The following RASGEF1A variants were observed in gnomAD, a reference collection of about 807,000 sequenced individuals.
RASGEF1A encodes RasGEF domain family member 1A.
Under a neutral mutation model 56.4 loss-of-function variants are expected in RASGEF1A, and 18 were observed. The observed-to-expected ratio is 0.32, with a 90% confidence interval of 0.22 to 0.47. The LOEUF is 0.47. Among genes scored for constraint, RASGEF1A ranks in the 20% least tolerant of loss-of-function variants. The pLI, the probability that RASGEF1A is intolerant of heterozygous loss-of-function variation, is 1.00. For missense variants in RASGEF1A, 422 were observed against 627.1 expected (o/e 0.67, Z 3.49); for synonymous variants, 245 against 242.6 (o/e 1.01, Z -0.09).
rs151019291 is a variant in RASGEF1A, at chr10:43,206,102, G to T, written c.15C>A (p.Ser5=). The T allele has an allele frequency of 6.3e-7, 1 of 1,586,458 alleles. No homozygotes were observed. Among genetic ancestry groups the T allele is most frequent in the African/African-American group, 1.3e-5 (1 of 74,714 alleles). ...GCCCAAGGATGCTGGAGAAGACAACGGACGTCTGGGGCATAGTTTCCTGGG... is the reference window on the plus strand; with the variant it reads ...GCCCAAGGATGCTGGAGAAGACAACTGACGTCTGGGGCATAGTTTCCTGGG... MPQT[S]VVFSSILGPS... The change falls in exon 2 of 13, where the codon TCC becomes TCA. Residue 5 remains serine (S), a synonymous_variant. Transcript: ENST00000395810.
chr10:43,253,834 T>G (rs1453629209), intron 1 of RASGEF1A, among the ~76,000 whole-genome samples: 1 of 152,348 alleles, frequency 6.6e-6, no homozygotes, highest in East Asian at 1.9e-4. Flanking sequence ...ATAAGAAGCA[T>G]GTGGTGCGGA....
At chr10:43,248,224 C>T (rs2133222807) in intron 1 of RASGEF1A, among the ~76,000 whole-genome samples, 1 of 152,030 alleles carries the variant, frequency 6.6e-6, no homozygotes, top group Non-Finnish European at 1.5e-5. Flanking sequence ...GGCATGGTGG[C>T]ACATGCCTGT....
At chr10:43,199,634 G>A (rs549159403) in intron 7 of RASGEF1A, 42 bp downstream of exon 7, 156 of 1,491,656 alleles carry the variant, frequency 1.0e-4, no homozygotes, top group Non-Finnish European at 1.4e-4. Flanking sequence ...CACTGGGTGT[G>A]GGCATGGCAG....
chr10:43,230,757 C>A (rs945100440), intron 1 of RASGEF1A, among the ~76,000 whole-genome samples: 3 of 152,220 alleles, frequency 2.0e-5, no homozygotes, highest in Admixed American at 1.3e-4. Context: ...TCCACCCCCA[C>A]GGCTCTTGCC....
At chr10:43,238,685 G>A (rs773116908) in intron 1 of RASGEF1A, among the ~76,000 whole-genome samples, 6 of 152,176 alleles carry the variant, frequency 3.9e-5, no homozygotes, top group Non-Finnish European at 8.8e-5. Context: ...ACTGCCATTC[G>A]GGCAAGTGGG....
intron 1 of RASGEF1A, among the ~76,000 whole-genome samples, chr10:43,256,608 C>T (rs1836412552): frequency 6.6e-6 from 1 of 152,154 alleles, no homozygotes; most frequent in African/African-American, 2.4e-5. Flanking sequence ...GGGCACTGCA[C>T]ACTCAGTGCG....
chr10:43,260,543 G>T (rs116954223), intron 1 of RASGEF1A, among the ~76,000 whole-genome samples: 7,225 of 152,280 alleles, frequency 0.047, 257 homozygotes, highest in South Asian at 0.089. Context: ...GTCCCCACGG[G>T]CAGGGCCAAG....
At chr10:43,230,009 G>A (rs1031488134) in intron 1 of RASGEF1A, among the ~76,000 whole-genome samples, 2 of 152,000 alleles carry the variant, frequency 1.3e-5, no homozygotes, top group African/African-American at 4.8e-5. Context: ...AGGTGCCGGG[G>A]TGTGAGGCTG....
intron 1 of RASGEF1A, among the ~76,000 whole-genome samples, chr10:43,210,204 G>A (rs1329034647): frequency 6.6e-6 from 1 of 152,206 alleles, no homozygotes; most frequent in Non-Finnish European, 1.5e-5. Context: ...TGGTACGGAG[G>A]CTCATGCCTG....
intron 1 of RASGEF1A, chr10:43,208,861 T>C (rs1787582259): frequency 1.0e-6 from 1 of 985,450 alleles, no homozygotes; most frequent in Non-Finnish European, 1.2e-6. Context: ...TACATGGCTT[T>C]TCCCGGGCAG....
At chr10:43,203,635 G>C (rs1013339820) in intron 2 of RASGEF1A, 1 of 1,205,120 alleles carries the variant, frequency 8.3e-7, no homozygotes, top group Non-Finnish European at 1.1e-6. Flanking sequence ...CTCGAGCCCC[G>C]CCTCCCAGCA....
chr10:43,196,237 A>T lies in RASGEF1A; in HGVS notation c.*7T>A, dbSNP rs1481763987. ...TGCTTCCTCTGGCGTCGCGGGCTGC[A>T]TCCGCCTCAGGCTCTGTTCAGAAGG... On this transcript the variant is annotated 3_prime_UTR_variant, in exon 13 of 13. Transcript: ENST00000395810. This position sits in a 1 kb window ranked among gnomAD's most constrained non-coding sequence, Gnocchi z 4.6. 6.2e-7 allele frequency: 1 copy of T among 1,612,980 alleles called. No individual in the cohort carries two copies. Among genetic ancestry groups the T allele is most frequent in the Non-Finnish European group, 8.5e-7 (1 of 1,179,222 alleles).
At position 43,206,299 on chromosome 10, in the gene RASGEF1A, C is replaced by A. The variant is rs368020693; in HGVS notation, c.-6-177G>T. On this transcript the variant is annotated intron_variant, in intron 1 of 12. Coordinates refer to ENST00000395810, the MANE Select transcript of RASGEF1A (RefSeq NM_145313.4). Reference sequence around the variant, plus strand: ...CAGGGCAGGCGGGCTCCTTGGTGGTCCCCCAGCCGCTGCACATCTGATCAC... The same window carrying A: ...CAGGGCAGGCGGGCTCCTTGGTGGTACCCCAGCCGCTGCACATCTGATCAC... Among the ~76,000 whole-genome samples, 98 of 152,264 alleles carry A rather than the reference C, an allele frequency of 6.4e-4. 1 individual carries two copies. The highest frequency in any genetic ancestry group is 3.4e-3 in the Middle Eastern group (1 of 294).
At chr10:43,216,924 G>A (rs1422846105) in intron 1 of RASGEF1A, among the ~76,000 whole-genome samples, 1 of 152,144 alleles carries the variant, frequency 6.6e-6, no homozygotes, top group Non-Finnish European at 1.5e-5. Flanking sequence ...AGTGGAGGCA[G>A]CTGCGCCTCC....
intron 1 of RASGEF1A, among the ~76,000 whole-genome samples, chr10:43,218,236 GC>G (rs1393400607): frequency 6.6e-6 from 1 of 152,160 alleles, no homozygotes; most frequent in Admixed American, 6.5e-5. Flanking sequence ...AGCTGGTGCT[GC>G]CCCCTCCCTC....
chr10:43,224,112 C>G (rs565506379), intron 1 of RASGEF1A, among the ~76,000 whole-genome samples: 43 of 152,096 alleles, frequency 2.8e-4, no homozygotes, highest in African/African-American at 1.0e-3. Context: ...GCCAACTAAG[C>G]CTCTGGAAAA....
chr10:43,198,220 G>T, intron 9 of RASGEF1A, 25 bp from the exon 10 acceptor site: 1 of 1,587,922 alleles, frequency 6.3e-7, no homozygotes, highest in South Asian at 1.1e-5. Flanking sequence ...AGGACCTGGT[G>T]AGCATCACAG....
intron 1 of RASGEF1A, among the ~76,000 whole-genome samples, chr10:43,261,972 G>A (rs113481050): frequency 1.2e-3 from 185 of 152,336 alleles, no homozygotes; most frequent in African/African-American, 4.0e-3. Flanking sequence ...ACCTGGTGCT[G>A]TGGCTGGGCA....
intron 1 of RASGEF1A, among the ~76,000 whole-genome samples, chr10:43,232,369 A>G (rs948226355): frequency 1.6e-4 from 24 of 152,038 alleles, no homozygotes; most frequent in African/African-American, 5.6e-4. Flanking sequence ...GCCTTCCACT[A>G]TGAGTGAAAG....
Sources: gnomAD v4.1 joint callset for allele counts (sites outside exome capture counted in the v4.1 genomes callset) on GRCh38, gnomAD v4.1.1 for gene constraint, Gnocchi (gnomAD v3.1) non-coding constraint, MANE v1.5 for transcripts, NCBI Gene and HGNC (gene_info 2026-07-23, HGNC 2026-07-21) for gene names.